Variants in KCNJ12 observed in about 807,000 individuals in gnomAD.
KCNJ12 encodes the protein potassium inwardly rectifying channel subfamily J member 12, also known as ATP-sensitive inward rectifier potassium channel 12.
KCNJ12 carries 2 observed loss-of-function variants against 22.3 expected under a neutral mutation model. The ratio of observed to expected loss-of-function variants is 0.09; its 90% CI spans 0.04 to 0.28. The LOEUF is 0.28. Ranked by LOEUF, KCNJ12 falls within the 10% of genes least tolerant of loss-of-function variation. The pLI, the probability that KCNJ12 is intolerant of heterozygous loss-of-function variation, is 1.00. For synonymous variants in KCNJ12, 117 were observed against 261.4 expected (o/e 0.45, Z 5.33); for missense variants, 155 against 633.3 (o/e 0.24, Z 8.11).
Position 21,396,017 on chromosome 17 carries a change from G to A in KCNJ12, c.-178-12502G>A, listed in dbSNP as rs546464346. Among the ~76,000 whole-genome samples, 9 of 152,288 alleles carry A rather than the reference G, an allele frequency of 5.9e-5. No homozygotes were observed. The South Asian group carries it at 6.2e-4, about 11-fold the overall frequency. On this transcript the variant is annotated intron_variant, in intron 1 of 2. Coordinates refer to ENST00000583088, the MANE Select transcript of KCNJ12 (RefSeq NM_021012.5). ...TCTGCAGCCAGCCCAGGATGTCCTC[G>A]GGCTTCTCGGCTGGGCCACAGCCCT...
In KCNJ12 at chr17:21,419,016, G is replaced by A; in HGVS notation, c.*2372G>A. The A allele has an allele frequency of 6.0e-6, 1 of 167,152 alleles. No homozygotes were observed. The highest frequency in any genetic ancestry group is 1.9e-4 in the East Asian group (1 of 5,186). 10.4% of individuals were successfully genotyped at this position (167,152 alleles called of 1,614,324 possible). ...CCCAGCGCCTCATCTCCCCAAAGGC[G>A]GCAGATGCTTGATTCTCCTGCCCTC... On this transcript the variant is annotated 3_prime_UTR_variant, in exon 3 of 3. Coordinates refer to ENST00000583088, the MANE Select transcript of KCNJ12 (RefSeq NM_021012.5).
intron 1 of KCNJ12, among the ~76,000 whole-genome samples, chr17:21,406,711 C>T (rs1328021148): frequency 3.9e-5 from 6 of 152,308 alleles, no homozygotes; most frequent in Non-Finnish European, 8.8e-5. Context: ...AAACCACTGT[C>T]ACCTGTCCCA....
In KCNJ12 at chr17:21,418,710, A is replaced by C. The variant is rs146748587; in HGVS notation, c.*2066A>C. 0.019 allele frequency: 3,205 copies of C among 167,452 alleles called. 45 individuals carry two copies. Among genetic ancestry groups the C allele is most frequent in the Non-Finnish European group, 0.031 (2,092 of 68,440 alleles). The allele number at this position is 167,452 out of a possible 1,614,324, so 10.4% of individuals were successfully genotyped here. On this transcript the variant is annotated 3_prime_UTR_variant, in exon 3 of 3. Coordinates refer to ENST00000583088, the MANE Select transcript of KCNJ12 (RefSeq NM_021012.5). ...TCAGCTGGTTCCTGCTCCCAGGCCT[A>C]GCCCCGAAGCCTTAGGGGCCTTCTC... is the stretch of plus-strand genomic sequence containing the variant.
chr17:21,393,834 C>G (rs534321692), intron 1 of KCNJ12, among the ~76,000 whole-genome samples: 26 of 152,376 alleles, frequency 1.7e-4, no homozygotes, highest in Admixed American at 5.2e-4. Flanking sequence ...GGGCAAACAC[C>G]TGGCCAGTGG....
chr17:21,413,638 G>A (rs1422627025), intron 2 of KCNJ12, among the ~76,000 whole-genome samples: 10 of 152,288 alleles, frequency 6.6e-5, no homozygotes, highest in Admixed American at 1.3e-4. Context: ...TGGGCCAGGC[G>A]GTGCCATAGC....
At chr17:21,402,974 A>G (rs1250196169) in intron 1 of KCNJ12, among the ~76,000 whole-genome samples, 2 of 152,408 alleles carry the variant, frequency 1.3e-5, no homozygotes, top group African/African-American at 4.8e-5. Flanking sequence ...CCTCCTCTCA[A>G]AGAAGCTTGG....
chr17:21,414,568 G>T (rs1597584004), intron 2 of KCNJ12, among the ~76,000 whole-genome samples: 2 of 152,298 alleles, frequency 1.3e-5, no homozygotes, highest in Admixed American at 1.3e-4. Flanking sequence ...AGTGCCCCTG[G>T]CTACGTTATT....
chr17:21,414,474 T>TGAA (rs1463289253), intron 2 of KCNJ12, among the ~76,000 whole-genome samples: 50 of 141,542 alleles, frequency 3.5e-4, no homozygotes, highest in African/African-American at 1.2e-3. Context: ...AGATTCTGTC[T>TGAA]AAAAAAGAAA....
intron 1 of KCNJ12, among the ~76,000 whole-genome samples, chr17:21,406,669 G>T (rs1905957910): frequency 6.6e-6 from 1 of 152,308 alleles, no homozygotes; most frequent in Non-Finnish European, 1.5e-5. Flanking sequence ...GAGGGGCAGA[G>T]CTGGGATTTG....
At chr17:21,409,119 G>A (rs1657717) in intron 2 of KCNJ12, among the ~76,000 whole-genome samples, 2 of 152,310 alleles carry the variant, frequency 1.3e-5, no homozygotes, top group Admixed American at 6.5e-5. Flanking sequence ...GCCTCTCTAG[G>A]CCTCTGAGCT....
rs555701892 is a variant in KCNJ12 at position 21,408,592 on chromosome 17, C to T, written c.-105C>T. The T allele has an allele frequency of 1.3e-5, 2 of 152,446 alleles. No homozygotes were observed. The highest frequency in any genetic ancestry group is 2.1e-4 in the South Asian group (1 of 4,838). 9.4% of individuals were successfully genotyped at this position (152,446 alleles called of 1,614,324 possible). On this transcript the variant is annotated 5_prime_UTR_variant, in exon 2 of 3. Coordinates refer to ENST00000583088, the MANE Select transcript of KCNJ12 (RefSeq NM_021012.5). ...GCCACTACTAATTCAGCCTTGAAGACAGTACCGTGCCCACTCAGCACCATT... is the reference window on the plus strand; with the variant it reads ...GCCACTACTAATTCAGCCTTGAAGATAGTACCGTGCCCACTCAGCACCATT...
intron 1 of KCNJ12, among the ~76,000 whole-genome samples, chr17:21,406,593 C>A (rs1455404280): frequency 1.3e-5 from 2 of 152,308 alleles, no homozygotes; most frequent in African/African-American, 4.8e-5. Flanking sequence ...AGAGACCAGG[C>A]AGGCCATCCC....
chr17:21,377,526 C>A (rs1374969601), intron 1 of KCNJ12, among the ~76,000 whole-genome samples: 1 of 152,208 alleles, frequency 6.6e-6, no homozygotes, highest in Admixed American at 6.5e-5. Context: ...CGGCCTTGAT[C>A]TCCGAGGGGA....
rs1472015532 is a variant in KCNJ12 at position 21,376,866 on chromosome 17, C to T, written c.-226C>T. The T allele has an allele frequency of 5.9e-5, 9 of 151,336 alleles. No individual in the cohort carries two copies. The highest frequency in any genetic ancestry group is 6.6e-5 in the Admixed American group (1 of 15,204). 9.4% of individuals were successfully genotyped at this position (151,336 alleles called of 1,614,324 possible). On this transcript the variant is annotated 5_prime_UTR_variant, in exon 1 of 3. Coordinates refer to ENST00000583088, the MANE Select transcript of KCNJ12 (RefSeq NM_021012.5). The surrounding 1 kb of genome is among the most constrained non-coding windows in gnomAD (Gnocchi z 5.3). ...GCTGCCGGGGCCAGGAACGGCCGCCCGGAGCTTGGAGGACGCCGAGCGCGC... is the reference window on the plus strand; with the variant it reads ...GCTGCCGGGGCCAGGAACGGCCGCCTGGAGCTTGGAGGACGCCGAGCGCGC...
intron 1 of KCNJ12, among the ~76,000 whole-genome samples, chr17:21,387,086 G>A (rs1555558748): frequency 6.6e-6 from 1 of 152,124 alleles, no homozygotes; most frequent in Admixed American, 6.5e-5. Context: ...AACCCGGGGG[G>A]CGGAGCCTGC....
chr17:21,399,319 G>A (rs1000591177), intron 1 of KCNJ12, among the ~76,000 whole-genome samples: 1 of 152,182 alleles, frequency 6.6e-6, no homozygotes, highest in African/African-American at 2.4e-5. Flanking sequence ...AGTCCCCAGC[G>A]TGTCTCCTGG....
intron 1 of KCNJ12, among the ~76,000 whole-genome samples, chr17:21,393,651 C>T (rs1336488985): frequency 6.6e-6 from 1 of 152,230 alleles, no homozygotes; most frequent in East Asian, 1.9e-4. Context: ...CATGGTTCCA[C>T]AGTTGCTGAG....
intron 1 of KCNJ12, among the ~76,000 whole-genome samples, chr17:21,383,159 T>G (rs1179460832): frequency 6.6e-6 from 1 of 152,130 alleles, no homozygotes; most frequent in Non-Finnish European, 1.5e-5. Context: ...TCAAGGGGGA[T>G]GGAGTGGCCT....
chr17:21,396,655 C>T (rs967157009), intron 1 of KCNJ12, among the ~76,000 whole-genome samples: 12 of 152,154 alleles, frequency 7.9e-5, no homozygotes, highest in Admixed American at 3.3e-4. Flanking sequence ...GGTGAGGGGC[C>T]CCTCCTCTGT....
Sources: gnomAD v4.1 joint callset for allele counts (sites outside exome capture counted in the v4.1 genomes callset) on GRCh38, gnomAD v4.1.1 for gene constraint, Gnocchi (gnomAD v3.1) non-coding constraint, MANE v1.5 for transcripts, NCBI Gene and HGNC (gene_info 2026-07-23, HGNC 2026-07-21) for gene names.